The following TRAPPC3 variants were observed in gnomAD, a reference collection of about 807,000 sequenced individuals.
TRAPPC3 encodes the protein trafficking protein particle complex 3.
Under a neutral mutation model 18.2 loss-of-function variants are expected in TRAPPC3, and 5 were observed. The ratio of observed to expected loss-of-function variants is 0.28; its 90% confidence interval spans 0.14 to 0.58. TRAPPC3 has a LOEUF of 0.58. Ranked by LOEUF, TRAPPC3 falls within the 20% of genes least tolerant of loss-of-function variation. The pLI, the probability that TRAPPC3 is intolerant of heterozygous loss-of-function variation, is 0.91. For synonymous variants in TRAPPC3, 65 were observed against 84.2 expected, an observed-to-expected ratio of 0.77 and a Z score of 1.25; for missense variants, 176 against 225.9, an observed-to-expected ratio of 0.78 and a Z score of 1.41.
rs56232660 is a variant in TRAPPC3 at position 36,137,415 on chromosome 1, T to G, written c.424-93A>C. 4,325 of 1,345,998 alleles carry G rather than the reference T, an allele frequency of 3.2e-3. 108 individuals carry two copies. The African/African-American group carries it at 0.055, about 17-fold the overall frequency. 83.4% of individuals were successfully genotyped at this position (1,345,998 alleles called of 1,614,324 possible). On this transcript the variant is annotated intron_variant, in intron 4 of 4. Transcript: ENST00000373166. ...GGGCATAACTGACTCATCCACAGCATCCAAAAAAGGGGGGCTGGTTTCCCA... is the reference window on the plus strand; with the variant it reads ...GGGCATAACTGACTCATCCACAGCAGCCAAAAAAGGGGGGCTGGTTTCCCA...
chr1:36,137,873 C>A lies in TRAPPC3; in HGVS notation c.346G>T (p.Val116Leu), dbSNP rs1045538749. ...ILENNPLVDF[V>L]ELPDNHSSLI... ...GATGAGTGGTTATCAGGAAGTTCCA[C>A]AAAGTCCACCAAGGGGTTATTTTCC... The change falls in exon 4 of 5, where the codon GTG (valine) becomes TTG (leucine). Residue 116 changes from valine to leucine, a missense_variant. By Grantham distance (32) the Val-to-Leu change is conservative. This residue lies in a region of TRAPPC3 where 147 missense variants were observed against 164.3 expected (regional missense o/e 0.89). Transcript: ENST00000373166. 6.2e-7 allele frequency: 1 copy of A among 1,614,216 alleles called. No individual in the cohort carries two copies. Among genetic ancestry groups the A allele is most frequent in the South Asian group, 1.1e-5 (1 of 91,086 alleles).
chr1:36,140,347 C>A (rs915527755), intron 1 of TRAPPC3, 181 bp from the exon 2 acceptor site: 9 of 456,680 alleles, frequency 2.0e-5, no homozygotes, highest in Non-Finnish European at 3.5e-5. Context: ...AGCAGGGCTG[C>A]AGCCAGAACT....
upstream of TRAPPC3, chr1:36,149,506 G>A (rs1424588958): frequency 2.4e-6 from 3 of 1,268,622 alleles, no homozygotes; most frequent in East Asian, 2.5e-5. Context: ...CGCCTGCGCG[G>A]CCTCCCGCGG....
At chr1:36,154,909 C>T (rs1421064082) in intron 1 of TRAPPC3, among the ~76,000 whole-genome samples, 1 of 152,128 alleles carries the variant, frequency 6.6e-6, no homozygotes, top group African/African-American at 2.4e-5. Flanking sequence ...TATTCCCTTC[C>T]CAGGCCTTCC....
upstream of TRAPPC3, among the ~76,000 whole-genome samples, chr1:36,152,397 T>C (rs1221076521): frequency 6.7e-6 from 1 of 149,042 alleles, no homozygotes; most frequent in East Asian, 2.0e-4. Flanking sequence ...AACCTCCGCC[T>C]CCCAGGTTCA....
rs771400964 is a variant in TRAPPC3 at position 36,139,702 on chromosome 1, G to A, written c.240+18C>T. The A allele has an allele frequency of 4.3e-6, 7 of 1,613,824 alleles. No individual in the cohort carries two copies. In the East Asian group the frequency reaches 1.3e-4, roughly 31 times the overall value. On this transcript the variant is annotated intron_variant, in intron 3 of 4. Transcript: ENST00000373166. ...AGCAGCAATTCTTCAGCATGGACAG[G>A]TGGCCCAGAATAATGACCTTGGCAA...
rs1374644734 is a variant in TRAPPC3, at chr1:36,136,782, C to T, written c.*421G>A. 1 of 154,252 alleles carries T rather than the reference C, an allele frequency of 6.5e-6. No homozygotes were observed. Among genetic ancestry groups the T allele is most frequent in the Non-Finnish European group, 1.4e-5 (1 of 69,216 alleles). The allele number at this position is 154,252 out of a possible 1,614,324, so 9.6% of individuals were successfully genotyped here. ...ACAGCTAGCAATTCCTCCCCACTCC[C>T]TCCCAGCCCTTCCTCCCTCCACCCC... On this transcript the variant is annotated 3_prime_UTR_variant, in exon 5 of 5. Transcript: ENST00000373166.
At position 36,137,188 on chromosome 1, in the gene TRAPPC3, G is replaced by C; in HGVS notation, c.*15C>G. ...AACAGTGCTCCTGATGGCTATCCTC[G>C]AGTTGTAGGGATGGTTATTCCTCTC... is the stretch of plus-strand genomic sequence containing the variant. On this transcript the variant is annotated 3_prime_UTR_variant, in exon 5 of 5. Coordinates refer to ENST00000373166, the MANE Select transcript of TRAPPC3 (RefSeq NM_014408.5). 3.1e-6 allele frequency: 5 copies of C among 1,599,552 alleles called. No individual in the cohort carries two copies. The highest frequency in any genetic ancestry group is 4.3e-6 in the Non-Finnish European group (5 of 1,167,724).
upstream of TRAPPC3, chr1:36,149,574 G>A (rs1213896722): frequency 1.5e-6 from 1 of 653,328 alleles, no homozygotes; most frequent in Non-Finnish European, 2.7e-6. Flanking sequence ...ACAAACGTCA[G>A]ACTACAACAC....
Position 36,149,354 on chromosome 1 carries a change from T to A in TRAPPC3, c.25A>T (p.Thr9Ser), listed in dbSNP as rs770476135. 6.2e-7 allele frequency: 1 copy of A among 1,613,364 alleles called. No individual in the cohort carries two copies. The highest frequency in any genetic ancestry group is 1.7e-5 in the Admixed American group (1 of 59,988). Residue 9 changes from threonine (T) to serine (S), a missense_variant, in exon 1 of 5, where the codon ACC becomes TCC. By Grantham distance (58) the Thr-to-Ser change is moderately conservative (BLOSUM62 1). Coordinates refer to ENST00000373166, the MANE Select transcript of TRAPPC3 (RefSeq NM_014408.5). ...CAAGTTACCATTTTCTTGCTCTCGG[T>A]GCCACGGTTCGCCTGCCTCGACATG... is the stretch of plus-strand genomic sequence containing the variant. Reference protein sequence around the residue: MSRQANRGTESKKMSSELF... With the variant: MSRQANRGSESKKMSSELF...
intron 3 of TRAPPC3, among the ~76,000 whole-genome samples, chr1:36,138,916 A>G (rs543820239): frequency 1.3e-5 from 2 of 151,770 alleles, no homozygotes; most frequent in South Asian, 4.2e-4. Flanking sequence ...CATGCCTGTA[A>G]TCGCAGCTAC....
At chr1:36,142,290 C>T (rs568313021) in intron 1 of TRAPPC3, among the ~76,000 whole-genome samples, 4 of 152,208 alleles carry the variant, frequency 2.6e-5, no homozygotes, top group East Asian at 1.9e-4. Context: ...AGGAGGGGAA[C>T]GATTTTTTTA....
At position 36,137,779 on chromosome 1, in the gene TRAPPC3, T is replaced by C. The variant is rs1644047283; in HGVS notation, c.423+17A>G. The C allele has an allele frequency of 6.2e-7, 1 of 1,608,108 alleles. No homozygotes were observed. The highest frequency in any genetic ancestry group is 2.2e-5 in the East Asian group (1 of 44,834). ...ATTGCATTTCGGGTGTCCCAGAAGATAAAGAGTTGCACTCACCATCTCCAA... is the reference window on the plus strand; with the variant it reads ...ATTGCATTTCGGGTGTCCCAGAAGACAAAGAGTTGCACTCACCATCTCCAA... On this transcript the variant is annotated intron_variant, in intron 4 of 4. Coordinates refer to ENST00000373166, the MANE Select transcript of TRAPPC3 (RefSeq NM_014408.5).
intron 1 of TRAPPC3, among the ~76,000 whole-genome samples, chr1:36,144,635 C>T (rs1644167182): frequency 6.6e-6 from 1 of 152,198 alleles, no homozygotes; most frequent in Non-Finnish European, 1.5e-5. Flanking sequence ...GCCTGGACAA[C>T]ACAGCAAGAT....
upstream of TRAPPC3, among the ~76,000 whole-genome samples, chr1:36,154,286 A>G (rs565756148): frequency 2.6e-5 from 4 of 152,238 alleles, no homozygotes; most frequent in South Asian, 8.3e-4. Context: ...TTACAGTGTG[A>G]GCCACCACAG....
At chr1:36,152,397 T>G (rs1221076521), upstream of TRAPPC3, among the ~76,000 whole-genome samples, 2 of 149,042 alleles carry the variant, frequency 1.3e-5, no homozygotes, top group Non-Finnish European at 3.0e-5. Context: ...AACCTCCGCC[T>G]CCCAGGTTCA....
intron 2 of TRAPPC3, 41 bp from the exon 3 acceptor site, chr1:36,139,860 A>G: frequency 6.2e-7 from 1 of 1,610,568 alleles, no homozygotes; most frequent in South Asian, 1.1e-5. Context: ...TGGAGTCTAA[A>G]TGTCTTATGT....
At chr1:36,151,875 G>C (rs1052920311), upstream of TRAPPC3, among the ~76,000 whole-genome samples, 1 of 152,190 alleles carries the variant, frequency 6.6e-6, no homozygotes, top group African/African-American at 2.4e-5. Flanking sequence ...CTGTATCTGA[G>C]TTCCCCGCCT....
intron 1 of TRAPPC3, among the ~76,000 whole-genome samples, chr1:36,146,479 G>A (rs148406609): frequency 0.031 from 4,652 of 150,270 alleles, 256 homozygotes; most frequent in African/African-American, 0.11. Flanking sequence ...TGTATTTTTA[G>A]TAGAGACGGG....
Sources: allele counts gnomAD v4.1 joint callset (sites outside exome capture counted in the v4.1 genomes callset), GRCh38; gene constraint gnomAD v4.1.1; regional missense constraint gnomAD v4.1.1; transcripts MANE v1.5; gene names NCBI Gene and HGNC (gene_info 2026-07-23, HGNC 2026-07-21).